Variants in MAGI2 observed in about 807,000 individuals in gnomAD.
MAGI2 encodes membrane-associated guanylate kinase, WW and PDZ domain-containing protein 2.
MAGI2 carries 35 observed loss-of-function variants against 133.3 expected under a neutral mutation model. The observed-to-expected ratio is 0.26, with a 90% CI of 0.20 to 0.35. The LOEUF is 0.35. MAGI2 is among the 10% of genes least tolerant of loss of function. The pLI is 1.00. For missense variants in MAGI2, 1,636 were observed against 1,863.4 expected, an observed-to-expected ratio of 0.88 and a Z score of 2.25; for synonymous variants, 729 against 710.6, an observed-to-expected ratio of 1.03 and a Z score of -0.41.
intron 2 of MAGI2, among the ~76,000 whole-genome samples, chr7:78,664,007 G>T (rs321992): frequency 0.51 from 77,477 of 152,032 alleles, 21,639 homozygotes; most frequent in East Asian, 0.91. Flanking sequence ...GGTGCTATCA[G>T]GGATGAGCAG....
intron 13 of MAGI2, 113 bp downstream of exon 13, chr7:78,185,516 T>C: frequency 3.9e-6 from 3 of 770,878 alleles, no homozygotes; most frequent in Non-Finnish European, 6.0e-6. Flanking sequence ...TGTAGGTGAC[T>C]AAAGTAGCAC....
intron 10 of MAGI2, among the ~76,000 whole-genome samples, chr7:78,225,916 C>T (rs372519014): frequency 7.2e-5 from 11 of 152,174 alleles, no homozygotes; most frequent in East Asian, 5.8e-4. Flanking sequence ...CATTGTACAA[C>T]GCCGAGGGTG....
chr7:78,044,172 A>G (rs535059746), intron 21 of MAGI2, among the ~76,000 whole-genome samples: 26 of 152,336 alleles, frequency 1.7e-4, no homozygotes, highest in African/African-American at 6.0e-4. Context: ...TTACGGTACC[A>G]TTAATGTTTC....
At chr7:78,888,633 C>T (rs963022156) in intron 2 of MAGI2, among the ~76,000 whole-genome samples, 29 of 152,180 alleles carry the variant, frequency 1.9e-4, no homozygotes, top group African/African-American at 7.0e-4. Context: ...TGGAGTGGAC[C>T]TCCAGCAAAC....
intron 10 of MAGI2, among the ~76,000 whole-genome samples, chr7:78,204,669 T>A (rs1027243855): frequency 4.6e-5 from 7 of 152,164 alleles, no homozygotes; most frequent in Non-Finnish European, 1.0e-4. Context: ...TTTTTATCCT[T>A]AGCAACTTGT....
At chr7:78,339,264 G>A (rs1360368121) in intron 9 of MAGI2, among the ~76,000 whole-genome samples, 3 of 152,182 alleles carry the variant, frequency 2.0e-5, no homozygotes, top group Non-Finnish European at 1.5e-5. Context: ...ATAGGAGACG[G>A]TGAATAGAAT....
intron 1 of MAGI2, among the ~76,000 whole-genome samples, chr7:79,186,962 C>T (rs907614291): frequency 1.3e-5 from 2 of 150,712 alleles, no homozygotes; most frequent in African/African-American, 2.4e-5. Flanking sequence ...ACTATATTTG[C>T]TTTAAGGAAG....
chr7:79,142,819 C>G (rs1822265292), intron 1 of MAGI2, among the ~76,000 whole-genome samples: 1 of 152,096 alleles, frequency 6.6e-6, no homozygotes, highest in Admixed American at 6.6e-5. Flanking sequence ...TTGATTATCC[C>G]CAGTCATGGT....
intron 13 of MAGI2, among the ~76,000 whole-genome samples, chr7:78,182,091 A>C (rs746408745): frequency 6.6e-6 from 1 of 152,236 alleles, no homozygotes; most frequent in Admixed American, 6.5e-5. Context: ...TAATTAAAAC[A>C]TAAGTACCAT....
chr7:78,642,138 C>T (rs1810380581), intron 2 of MAGI2, among the ~76,000 whole-genome samples: 1 of 152,070 alleles, frequency 6.6e-6, no homozygotes, highest in South Asian at 2.1e-4. Context: ...TCTGTAATAT[C>T]CCATGTGTAT....
chr7:78,501,497 T>C (rs1339705405), intron 5 of MAGI2, 80 bp downstream of exon 5: 1 of 1,245,348 alleles, frequency 8.0e-7, no homozygotes, highest in Non-Finnish European at 1.1e-6. Context: ...TTTTTTTTTT[T>C]TTCCACGTCT....
At chr7:79,198,532 T>A (rs1438879293) in intron 1 of MAGI2, among the ~76,000 whole-genome samples, 1 of 151,860 alleles carries the variant, frequency 6.6e-6, no homozygotes, top group African/African-American at 2.4e-5. Context: ...TCCTAAGAAA[T>A]AAGGAAGATA....
chr7:79,151,292 T>C (rs1823213145), intron 1 of MAGI2, among the ~76,000 whole-genome samples: 1 of 152,162 alleles, frequency 6.6e-6, no homozygotes, highest in Admixed American at 6.6e-5. Flanking sequence ...CAAAATGTGC[T>C]TTACAAAAAA....
intron 21 of MAGI2, among the ~76,000 whole-genome samples, chr7:78,074,953 C>G (rs1815117228): frequency 6.6e-6 from 1 of 152,226 alleles, no homozygotes. Flanking sequence ...CGAGGTTGGC[C>G]ATTGGCTGGT....
At chr7:78,346,966 T>C (rs1790980636) in intron 7 of MAGI2, among the ~76,000 whole-genome samples, 1 of 152,204 alleles carries the variant, frequency 6.6e-6, no homozygotes. Context: ...TATGTATAGT[T>C]TTCCTCAGTG....
intron 1 of MAGI2, among the ~76,000 whole-genome samples, chr7:79,179,859 C>G (rs776306798): frequency 6.6e-6 from 1 of 151,906 alleles, no homozygotes; most frequent in Non-Finnish European, 1.5e-5. Flanking sequence ...GGATATTGCT[C>G]TAGGCAACTA....
intron 1 of MAGI2, among the ~76,000 whole-genome samples, chr7:79,348,809 G>C (rs1432138677): frequency 1.3e-5 from 2 of 151,702 alleles, no homozygotes; most frequent in Non-Finnish European, 1.5e-5. Context: ...TGAAAATAGG[G>C]TTTTATCATT....
chr7:78,513,925 C>A (rs1795817791), intron 4 of MAGI2, among the ~76,000 whole-genome samples: 1 of 151,800 alleles, frequency 6.6e-6, no homozygotes, highest in South Asian at 2.1e-4. Context: ...CCCATCTCTA[C>A]TAAAAATACA....
chr7:78,481,169 A>G (rs919581200), intron 6 of MAGI2, among the ~76,000 whole-genome samples: 4 of 151,980 alleles, frequency 2.6e-5, no homozygotes, highest in Admixed American at 6.6e-5. Flanking sequence ...TCACACTGCT[A>G]TAACAACTTC....
Sources: gnomAD v4.1 joint callset for allele counts (sites outside exome capture counted in the v4.1 genomes callset) on GRCh38, gnomAD v4.1.1 for gene constraint, MANE v1.5 for transcripts, NCBI Gene and HGNC (gene_info 2026-07-23, HGNC 2026-07-21) for gene names.